The following SENP1 variants were observed in gnomAD, a reference collection of about 807,000 sequenced individuals.
The protein encoded by SENP1 is sentrin-specific protease 1.
In SENP1, 21 loss-of-function variants were observed where a neutral mutation model predicts 93.0. That is an observed-to-expected ratio of 0.23 (90% CI 0.16 to 0.33). The LOEUF is 0.33. Ranked by LOEUF, SENP1 falls within the 10% of genes least tolerant of loss-of-function variation. SENP1 has a pLI of 1.00. For missense variants in SENP1, 591 were observed against 758.7 expected (o/e 0.78, Z 2.60); for synonymous variants, 256 against 259.6 (o/e 0.99, Z 0.13).
At position 48,056,793 on chromosome 12, in the gene SENP1, A is replaced by G. The variant is rs867529923; in HGVS notation, c.1407+6917T>C. Among the ~76,000 whole-genome samples the G allele has an allele frequency of 3.3e-3, 241 of 73,352 alleles. 29 individuals carry two copies. Among genetic ancestry groups the G allele is most frequent in the African/African-American group, 0.014 (232 of 16,484 alleles). 48.1% of individuals were successfully genotyped at this position (73,352 alleles called of 152,430 possible). On this transcript the variant is annotated intron_variant, in intron 13 of 17. Coordinates refer to ENST00000549518, the MANE Select transcript of SENP1 (RefSeq NM_001267594.2). ...ACATATTACATATTACATATATATT[A>G]TTTAATATATTACATATTACATATA...
chr12:48,097,076 G>A (rs1453464012), intron 3 of SENP1, among the ~76,000 whole-genome samples: 2 of 151,800 alleles, frequency 1.3e-5, no homozygotes, highest in Non-Finnish European at 2.9e-5. Context: ...CAGGCTTCAA[G>A]GAAAAAAACA....
chr12:48,055,240 G>A (rs1469044945), intron 13 of SENP1: 6 of 170,938 alleles, frequency 3.5e-5, no homozygotes, highest in Admixed American at 6.4e-5. Flanking sequence ...CTTTCCAAAC[G>A]GCGATGTTCC....
chr12:48,050,405 G>A (rs370278895), intron 13 of SENP1, among the ~76,000 whole-genome samples: 2 of 152,312 alleles, frequency 1.3e-5, no homozygotes, highest in South Asian at 4.1e-4. Flanking sequence ...GGATGCCTAG[G>A]CAGCTGCGGG....
intron 13 of SENP1, among the ~76,000 whole-genome samples, chr12:48,054,447 T>C (rs1390232087): frequency 6.6e-6 from 1 of 152,172 alleles, no homozygotes; most frequent in Non-Finnish European, 1.5e-5. Flanking sequence ...GTTTGCAGGG[T>C]ATATTTTTTC....
At chr12:48,084,691 G>A (rs904602181) in intron 5 of SENP1, among the ~76,000 whole-genome samples, 4 of 151,996 alleles carry the variant, frequency 2.6e-5, no homozygotes, top group Non-Finnish European at 5.9e-5. Context: ...CAGGTAATCC[G>A]CCGGCCTCAG....
rs866635261 is a variant in SENP1 at position 48,054,946 on chromosome 12, G to C, written c.1408-5814C>G. 5.9e-5 allele frequency: 13 copies of C among 219,452 alleles called. No individual in the cohort carries two copies. The South Asian group carries it at 1.0e-3, about 17-fold the overall frequency. 13.6% of individuals were successfully genotyped at this position (219,452 alleles called of 1,614,324 possible). A position where few individuals can be genotyped will look rare whatever the true frequency, so the allele number is the denominator to read the frequency against. On this transcript the variant is annotated intron_variant, in intron 13 of 17. Transcript: ENST00000549518. ...ATTTTTAAAAACCGGAATATTTATT[G>C]TGTGACTAATCATTGAAATTCTTAA...
rs149699574 is a variant in SENP1, at chr12:48,069,816, C to T, written c.995+1851G>A. 9.6e-4 allele frequency among the ~76,000 whole-genome samples: 146 copies of T among 152,292 alleles called. 2 individuals carry two copies. The highest frequency in any genetic ancestry group is 5.8e-3 in the East Asian group (30 of 5,182). ...AAATAAAGAATCCAAACTATGAAGTCTCCCCAAAAGACTTAACAAATAGAG... is the reference window on the plus strand; with the variant it reads ...AAATAAAGAATCCAAACTATGAAGTTTCCCCAAAAGACTTAACAAATAGAG... On this transcript the variant is annotated intron_variant, in intron 9 of 17. Coordinates refer to ENST00000549518, the MANE Select transcript of SENP1 (RefSeq NM_001267594.2).
intron 6 of SENP1, among the ~76,000 whole-genome samples, chr12:48,076,931 C>G (rs1944132635): frequency 6.6e-6 from 1 of 152,202 alleles, no homozygotes; most frequent in South Asian, 2.1e-4. Context: ...AGGCGTGAGC[C>G]ACGGCGCCCA....
At chr12:48,093,793 C>T (rs1039099470) in intron 4 of SENP1, among the ~76,000 whole-genome samples, 11 of 150,980 alleles carry the variant, frequency 7.3e-5, no homozygotes, top group Non-Finnish European at 1.5e-4. Context: ...GGCGAAACTC[C>T]GTCTCTACCA....
rs3054235 is a variant in SENP1, at chr12:48,095,535, CAA to C, written c.220+806_220+807del. Among the ~76,000 whole-genome samples, 259 of 85,840 alleles carry C rather than the reference CAA, an allele frequency of 3.0e-3. 1 individual carries two copies. Among genetic ancestry groups the C allele is most frequent in the Admixed American group, 9.5e-3 (76 of 8,012 alleles). 56.3% of individuals were successfully genotyped at this position (85,840 alleles called of 152,430 possible). On this transcript the variant is annotated intron_variant, in intron 4 of 17. Coordinates refer to ENST00000549518, the MANE Select transcript of SENP1 (RefSeq NM_001267594.2). ...TGGGCAACACAGGGAGACTCTGTGT[CAA>C]AAAAAAAAAAAAAAAAAAAAATTCC...
chr12:48,075,896 A>T (rs923721091), intron 6 of SENP1, among the ~76,000 whole-genome samples: 1 of 152,230 alleles, frequency 6.6e-6, no homozygotes, highest in Admixed American at 6.5e-5. Flanking sequence ...CAAGGGAAGA[A>T]GTCAGTCCTA....
In SENP1 at chr12:48,076,114, G is replaced by T. The variant is rs529740760; in HGVS notation, c.553-1321C>A. 9.9e-5 allele frequency among the ~76,000 whole-genome samples: 15 copies of T among 152,282 alleles called. No homozygotes were observed. The South Asian group carries it at 2.7e-3, about 27-fold the overall frequency. On this transcript the variant is annotated intron_variant, in intron 6 of 17. Coordinates refer to ENST00000549518, the MANE Select transcript of SENP1 (RefSeq NM_001267594.2). ...CTATACAGGTCCCCTGACTCAATGG[G>T]CTATGTTCACTAGCACTTAGTAATA...
intron 9 of SENP1, among the ~76,000 whole-genome samples, chr12:48,069,125 C>T (rs900703472): frequency 8.4e-6 from 1 of 119,194 alleles, no homozygotes; most frequent in African/African-American, 3.3e-5. Flanking sequence ...TGCACTCCAG[C>T]CTGGATGATA....
chr12:48,060,994 T>C (rs966364300), intron 13 of SENP1, among the ~76,000 whole-genome samples: 4 of 152,154 alleles, frequency 2.6e-5, no homozygotes, highest in East Asian at 1.9e-4. Context: ...AACTGACCTA[T>C]AGAGAAATCC....
chr12:48,096,694 G>A (rs1432397133), intron 3 of SENP1, among the ~76,000 whole-genome samples: 1 of 152,164 alleles, frequency 6.6e-6, no homozygotes, highest in South Asian at 2.1e-4. Flanking sequence ...GACCTCAGGT[G>A]ATCCGCCCAC....
At chr12:48,058,962 T>C (rs1340787628) in intron 13 of SENP1, among the ~76,000 whole-genome samples, 1 of 152,240 alleles carries the variant, frequency 6.6e-6, no homozygotes, top group Non-Finnish European at 1.5e-5. Flanking sequence ...CATTGTCTTC[T>C]GGCCTGCATC....
chr12:48,093,627 T>C (rs781357197), intron 4 of SENP1, among the ~76,000 whole-genome samples: 7 of 151,832 alleles, frequency 4.6e-5, no homozygotes, highest in Non-Finnish European at 8.8e-5. Context: ...AAAAAAATTT[T>C]GGTTTTCAGA....
At chr12:48,073,451 GAGGGGAA>G (rs1186522743) in intron 8 of SENP1, among the ~76,000 whole-genome samples, 1 of 151,606 alleles carries the variant, frequency 6.6e-6, no homozygotes, top group Non-Finnish European at 1.5e-5. Context: ...CCTGAGAAAG[GAGGGGAA>G]AGACTAGTGC....
intron 9 of SENP1, among the ~76,000 whole-genome samples, chr12:48,067,698 G>T (rs979496941): frequency 4.6e-5 from 7 of 152,188 alleles, no homozygotes; most frequent in African/African-American, 1.7e-4. Flanking sequence ...CAGAGGCCAG[G>T]CATGGTGGCT....
Sources: allele counts gnomAD v4.1 joint callset (sites outside exome capture counted in the v4.1 genomes callset), GRCh38; gene constraint gnomAD v4.1.1; transcripts MANE v1.5; gene names NCBI Gene and HGNC (gene_info 2026-07-23, HGNC 2026-07-21).